HECA: variants seen among roughly 807,000 people sequenced by gnomAD.
HECA encodes HECA ribonucleoprotein granule regulator, also known as headcase protein homolog.
In HECA, 13 loss-of-function variants were observed where a neutral mutation model predicts 37.6. That is an observed-to-expected ratio of 0.35 (90% confidence interval 0.23 to 0.55). The LOEUF (loss-of-function observed/expected upper bound fraction) is 0.55. Among genes scored for constraint, HECA ranks in the 20% least tolerant of loss-of-function variants. The pLI, the probability that HECA is intolerant of heterozygous loss-of-function variation, is 0.90. For synonymous variants in HECA, 307 were observed against 291.5 expected (o/e 1.05, Z -0.54); for missense variants, 527 against 701.9 (o/e 0.75, Z 2.82).
rs35622637 is a variant in HECA at position 139,178,498 on chromosome 6, C to CTTTT, written c.*1408_*1411dup. The CTTTT allele has an allele frequency of 2.9e-5, 4 of 137,074 alleles. No homozygotes were observed. In the East Asian group the frequency reaches 9.2e-4, roughly 32 times the overall value. 8.5% of individuals were successfully genotyped at this position (137,074 alleles called of 1,614,324 possible). On this transcript the variant is annotated 3_prime_UTR_variant, in exon 4 of 4. Coordinates refer to ENST00000367658, the MANE Select transcript of HECA (RefSeq NM_016217.3). ...TTTTATGTTACTCATTTGGTTTATA[C>CTTTT]TTTTTTTTTTTTTTTTTTAACTGTG...
intron 1 of HECA, among the ~76,000 whole-genome samples, chr6:139,165,707 G>A (rs956460015): frequency 1.3e-5 from 2 of 151,830 alleles, no homozygotes; most frequent in African/African-American, 2.4e-5. Flanking sequence ...CCATATCCAT[G>A]AATCATGTTT....
At chr6:139,157,072 T>C (rs1378757133) in intron 1 of HECA, among the ~76,000 whole-genome samples, 5 of 152,236 alleles carry the variant, frequency 3.3e-5, no homozygotes, top group African/African-American at 1.2e-4. Context: ...TTGCCCACTT[T>C]ATGGTTATTT....
At chr6:139,164,233 C>G (rs997904866) in intron 1 of HECA, among the ~76,000 whole-genome samples, 1 of 152,210 alleles carries the variant, frequency 6.6e-6, no homozygotes, top group African/African-American at 2.4e-5. Context: ...GAGCAGAACT[C>G]TGAGCCTGGG....
chr6:139,144,460 C>G (rs1774555416), intron 1 of HECA: 1 of 152,334 alleles, frequency 6.6e-6, no homozygotes, highest in African/African-American at 2.4e-5. Context: ...GAAGGATGTT[C>G]CAAACAGAGG....
In HECA at chr6:139,178,012, G is replaced by C. The variant is rs943481164; in HGVS notation, c.*907G>C. 2 of 152,164 alleles carry C rather than the reference G, an allele frequency of 1.3e-5. No individual in the cohort carries two copies. Among genetic ancestry groups the C allele is most frequent in the Non-Finnish European group, 2.9e-5 (2 of 68,024 alleles). The allele number at this position is 152,164 out of a possible 1,614,324, so 9.4% of individuals were successfully genotyped here. A position where few individuals can be genotyped will look rare whatever the true frequency, so the allele number is the denominator to read the frequency against. ...AGAACCAATAATTGCCACATTTATTGTCCTCAAAATTGCTTATGGCCATGT... is the reference window on the plus strand; with the variant it reads ...AGAACCAATAATTGCCACATTTATTCTCCTCAAAATTGCTTATGGCCATGT... On this transcript the variant is annotated 3_prime_UTR_variant, in exon 4 of 4. Coordinates refer to ENST00000367658, the MANE Select transcript of HECA (RefSeq NM_016217.3).
At chr6:139,169,867 A>G (rs1043240613) in intron 2 of HECA, 2 of 152,316 alleles carry the variant, frequency 1.3e-5, no homozygotes, top group African/African-American at 2.4e-5. Context: ...CCAGGTTCAG[A>G]TGATGCTGAA....
intron 1 of HECA, chr6:139,144,344 T>A (rs1356801480): frequency 6.6e-6 from 1 of 152,170 alleles, no homozygotes; most frequent in Non-Finnish European, 1.5e-5. Context: ...ACAGGAGCCA[T>A]GATAATGTAC....
At chr6:139,139,497 A>G (rs935544267) in intron 1 of HECA, among the ~76,000 whole-genome samples, 1 of 152,262 alleles carries the variant, frequency 6.6e-6, no homozygotes, top group Non-Finnish European at 1.5e-5. Context: ...GAGCAGAGAT[A>G]CACGTGCTGG....
rs758381506 is a variant in HECA, at chr6:139,177,012, A to T, written c.1539A>T (p.Glu513Asp). 1 of 872,920 alleles carries T rather than the reference A, an allele frequency of 1.1e-6. No homozygotes were observed. Among genetic ancestry groups the T allele is most frequent in the Non-Finnish European group, 2.0e-6 (1 of 501,622 alleles). 54.1% of individuals were successfully genotyped at this position (872,920 alleles called of 1,614,324 possible). A position where few individuals can be genotyped will look rare whatever the true frequency, so the allele number is the denominator to read the frequency against. ...DVRIGMQYFS[E>D]YSNVQQCPHC... Reference sequence around the variant, plus strand: ...GGATCGGGATGCAGTACTTCTCCGAATATAGCAACGTCCAGCAGTGTCCAC... The same window carrying T: ...GGATCGGGATGCAGTACTTCTCCGATTATAGCAACGTCCAGCAGTGTCCAC... The change falls in exon 4 of 4, where the codon GAA (glutamate) becomes GAT (aspartate). Residue 513 changes from glutamate to aspartate, a missense_variant. Physicochemically the swap from Glu to Asp is conservative, Grantham distance 45 (BLOSUM62 2). This residue lies in a region of HECA where 106 missense variants were observed against 193.4 expected (regional missense o/e 0.55). Coordinates refer to ENST00000367658, the MANE Select transcript of HECA (RefSeq NM_016217.3). This position sits in a 1 kb window ranked among gnomAD's most constrained non-coding sequence, Gnocchi z 4.9.
At chr6:139,153,635 C>A (rs1774679002) in intron 1 of HECA, among the ~76,000 whole-genome samples, 1 of 152,014 alleles carries the variant, frequency 6.6e-6, no homozygotes, top group African/African-American at 2.4e-5. Flanking sequence ...GTTGGTCAGG[C>A]TGGTCACTCC....
At chr6:139,157,109 G>T (rs1490854402) in intron 1 of HECA, among the ~76,000 whole-genome samples, 1 of 152,202 alleles carries the variant, frequency 6.6e-6, no homozygotes, top group Non-Finnish European at 1.5e-5. Context: ...ACAAGTGGTG[G>T]ATTATTCATG....
chr6:139,145,649 A>G (rs924135473), intron 1 of HECA, among the ~76,000 whole-genome samples: 1 of 152,236 alleles, frequency 6.6e-6, no homozygotes, highest in Non-Finnish European at 1.5e-5. Flanking sequence ...ATTGCAAGAT[A>G]AAAGACATTT....
intron 1 of HECA, among the ~76,000 whole-genome samples, chr6:139,152,655 A>G (rs1045715084): frequency 1.6e-4 from 24 of 152,196 alleles, no homozygotes; most frequent in Admixed American, 1.3e-3. Flanking sequence ...AAGTGATCTC[A>G]TTGTAGCTCC....
chr6:139,152,011 A>C (rs1016963626), intron 1 of HECA, among the ~76,000 whole-genome samples: 25 of 152,216 alleles, frequency 1.6e-4, no homozygotes, highest in Admixed American at 5.9e-4. Flanking sequence ...AATCTGGACT[A>C]AAGTGATTGT....
chr6:139,153,035 A>G (rs1045323061), intron 1 of HECA: 16 of 152,246 alleles, frequency 1.1e-4, no homozygotes, highest in Admixed American at 3.3e-4. Context: ...TGAAGCAGAG[A>G]CTTTACCCTA....
rs1425349964 is a variant in HECA at position 139,135,281 on chromosome 6, C to A, written c.-116C>A. 2 of 869,236 alleles carry A rather than the reference C, an allele frequency of 2.3e-6. No homozygotes were observed. Among genetic ancestry groups the A allele is most frequent in the Admixed American group, 1.1e-4 (2 of 18,184 alleles). 53.8% of individuals were successfully genotyped at this position (869,236 alleles called of 1,614,324 possible). A position where few individuals can be genotyped will look rare whatever the true frequency, so the allele number is the denominator to read the frequency against. On this transcript the variant is annotated 5_prime_UTR_variant, in exon 1 of 4. Transcript: ENST00000367658. ...GCTAGACGGGAGCCGAGGGAACCGC[C>A]GGCTCGCGCCCTCCGTTCTTTCCCG...
intron 2 of HECA, among the ~76,000 whole-genome samples, chr6:139,169,051 A>G (rs1460480204): frequency 1.3e-5 from 2 of 152,154 alleles, no homozygotes; most frequent in African/African-American, 4.8e-5. Context: ...TCTTTTACAC[A>G]GTTTCCTCTA....
intron 3 of HECA, 118 bp downstream of exon 3, chr6:139,174,657 G>T: frequency 7.0e-7 from 1 of 1,422,994 alleles, no homozygotes; most frequent in South Asian, 1.4e-5. Context: ...TGATGGCTGA[G>T]TTACTACTTG....
At chr6:139,143,680 G>A (rs1428591907) in intron 1 of HECA, among the ~76,000 whole-genome samples, 4 of 152,008 alleles carry the variant, frequency 2.6e-5, no homozygotes, top group Non-Finnish European at 4.4e-5. Context: ...GGCCAACATG[G>A]TGAAACCCCA....
Sources: gnomAD v4.1 joint callset for allele counts (sites outside exome capture counted in the v4.1 genomes callset) on GRCh38, gnomAD v4.1.1 for gene constraint, gnomAD v4.1.1 regional missense constraint, Gnocchi (gnomAD v3.1) non-coding constraint, MANE v1.5 for transcripts, NCBI Gene and HGNC (gene_info 2026-07-23, HGNC 2026-07-21) for gene names.